The following EXOC6B variants were observed in gnomAD, a reference collection of about 807,000 sequenced individuals.
EXOC6B encodes the protein exocyst complex component 6B, also known as SEC15 homolog B.
A neutral mutation model predicts 113.5 loss-of-function variants in EXOC6B; 54 were observed. The ratio of observed to expected loss-of-function variants is 0.48; its 90% CI spans 0.38 to 0.60. The LOEUF (loss-of-function observed/expected upper bound fraction) is 0.60. Ranked by LOEUF, EXOC6B falls within the 20% of genes least tolerant of loss-of-function variation. EXOC6B has a pLI of 0.00. For missense variants in EXOC6B, 797 were observed against 977.5 expected, an observed-to-expected ratio of 0.82 and a Z score of 2.46; for synonymous variants, 357 against 339.0, an observed-to-expected ratio of 1.05 and a Z score of -0.58.
intron 8 of EXOC6B, among the ~76,000 whole-genome samples, chr2:72,555,832 A>ATGT (rs1703509275): frequency 6.6e-6 from 1 of 152,034 alleles, no homozygotes; most frequent in African/African-American, 2.4e-5. Flanking sequence ...TTTTTAGTAG[A>ATGT]GACAGAGTTT....
chr2:72,518,636 G>A (rs1024592171), intron 8 of EXOC6B, among the ~76,000 whole-genome samples: 1 of 152,024 alleles, frequency 6.6e-6, no homozygotes, highest in African/African-American at 2.4e-5. Flanking sequence ...AGTGTTCCTG[G>A]AGGAGACAAA....
chr2:72,767,723 G>A (rs1225899989), intron 1 of EXOC6B, among the ~76,000 whole-genome samples: 2 of 147,614 alleles, frequency 1.4e-5, no homozygotes, highest in South Asian at 2.2e-4. Flanking sequence ...TGAGGTGGGA[G>A]TATCACCTAA....
At chr2:72,559,177 AACT>A (rs1314420930) in intron 8 of EXOC6B, among the ~76,000 whole-genome samples, 2 of 152,216 alleles carry the variant, frequency 1.3e-5, no homozygotes, top group African/African-American at 4.8e-5. Context: ...TTATTTAAAT[AACT>A]ACATTATTAA....
At chr2:72,704,027 T>C (rs1678643400) in intron 6 of EXOC6B, among the ~76,000 whole-genome samples, 1 of 151,578 alleles carries the variant, frequency 6.6e-6, no homozygotes, top group South Asian at 2.1e-4. Context: ...AATATACATT[T>C]TTTTCAGCAC....
rs556331390 is a variant in EXOC6B at position 72,277,393 on chromosome 2, T to G, written c.2196+57554A>C. Among the ~76,000 whole-genome samples the G allele has an allele frequency of 2.0e-5, 3 of 152,200 alleles. No individual in the cohort carries two copies. In the East Asian group the frequency reaches 5.8e-4, roughly 29 times the overall value. On this transcript the variant is annotated intron_variant, in intron 20 of 21. Coordinates refer to ENST00000272427, the MANE Select transcript of EXOC6B (RefSeq NM_015189.3). ...CAACTTCTACCACCACAGCATAGAA[T>G]CATACCCAAGGGAGCTCAATAGAAC...
At chr2:72,680,658 G>A (rs559844223) in intron 6 of EXOC6B, among the ~76,000 whole-genome samples, 1 of 151,984 alleles carries the variant, frequency 6.6e-6, no homozygotes, top group South Asian at 2.1e-4. Context: ...AGAATCACTT[G>A]GACCCAGGAG....
chr2:72,788,043 C>G (rs1208688390), intron 1 of EXOC6B, among the ~76,000 whole-genome samples: 1 of 152,194 alleles, frequency 6.6e-6, no homozygotes, highest in Non-Finnish European at 1.5e-5. Context: ...ATGCCTACCT[C>G]ATAGTGTTCT....
intron 6 of EXOC6B, among the ~76,000 whole-genome samples, chr2:72,710,333 G>T (rs1398747248): frequency 6.6e-6 from 1 of 151,828 alleles, no homozygotes; most frequent in African/African-American, 2.4e-5. Flanking sequence ...TAAATTTAAT[G>T]GTCATATATG....
At chr2:72,595,310 A>G (rs1670011453) in intron 6 of EXOC6B, among the ~76,000 whole-genome samples, 1 of 147,622 alleles carries the variant, frequency 6.8e-6, no homozygotes, top group Admixed American at 6.8e-5. Flanking sequence ...TATATATATG[A>G]CAATTAATAA....
chr2:72,362,834 TAGAGTA>T (rs1465325266), intron 19 of EXOC6B, among the ~76,000 whole-genome samples: 1 of 152,150 alleles, frequency 6.6e-6, no homozygotes, highest in African/African-American at 2.4e-5. Flanking sequence ...GTATTTTGCA[TAGAGTA>T]GGGCCCACAT....
chr2:72,371,710 TC>T (rs1691031465), intron 19 of EXOC6B, among the ~76,000 whole-genome samples: 1 of 152,128 alleles, frequency 6.6e-6, no homozygotes, highest in South Asian at 2.1e-4. Context: ...GTATGACAGA[TC>T]CATAGCTAGT....
chr2:72,401,554 TATATATATATAC>T (rs1693225373), intron 18 of EXOC6B, among the ~76,000 whole-genome samples: 2 of 39,260 alleles, frequency 5.1e-5, no homozygotes, highest in African/African-American at 3.2e-4. Context: ...TGTGTATATA[TATATATATATAC>T]ATATATATAT....
At chr2:72,669,563 C>G (rs1013251820) in intron 6 of EXOC6B, among the ~76,000 whole-genome samples, 6 of 152,146 alleles carry the variant, frequency 3.9e-5, no homozygotes, top group African/African-American at 1.4e-4. Flanking sequence ...ACAAACCAAA[C>G]AGTATCCTTT....
In EXOC6B at chr2:72,574,850, T is replaced by G. The variant is rs987234868; in HGVS notation, c.846+642A>C. Among the ~76,000 whole-genome samples the G allele has an allele frequency of 8.4e-4, 128 of 152,308 alleles. 1 individual carries two copies. The highest frequency in any genetic ancestry group is 3.1e-3 in the African/African-American group (128 of 41,572). On this transcript the variant is annotated intron_variant, in intron 7 of 21. Coordinates refer to ENST00000272427, the MANE Select transcript of EXOC6B (RefSeq NM_015189.3). ...CTCAAAGGTCATAATAGTTTTATTT[T>G]TAAAAACACATTAAACATACTTCTA...
rs1394253116 is a variant in EXOC6B, at chr2:72,825,181, G to GCAA, written c.113+616_113+617insTTG. Among the ~76,000 whole-genome samples, 1 of 152,164 alleles carries GCAA rather than the reference G, an allele frequency of 6.6e-6. No individual in the cohort carries two copies. The highest frequency in any genetic ancestry group is 2.4e-5 in the African/African-American group (1 of 41,440). On this transcript the variant is annotated intron_variant, in intron 1 of 21. Transcript: ENST00000272427. This position sits in a 1 kb window ranked among gnomAD's most constrained non-coding sequence, Gnocchi z 4.4. ...AAATGATAACTGGGGGGCGGCAGCA[G>GCAA]GGTCAGTTTTCCCCAGCGATGAGGA...
chr2:72,342,955 C>T (rs758894572), intron 19 of EXOC6B, among the ~76,000 whole-genome samples: 11 of 152,102 alleles, frequency 7.2e-5, no homozygotes, highest in Non-Finnish European at 1.2e-4. Context: ...TTCATATTCA[C>T]ATTAGCCATG....
chr2:72,485,198 A>T (rs1699354324), intron 16 of EXOC6B, among the ~76,000 whole-genome samples: 1 of 152,340 alleles, frequency 6.6e-6, no homozygotes, highest in Admixed American at 6.5e-5. Context: ...AAACCCCAGA[A>T]AATATCTTCA....
chr2:72,480,029 C>T (rs1698982886), intron 17 of EXOC6B, among the ~76,000 whole-genome samples: 1 of 151,800 alleles, frequency 6.6e-6, no homozygotes, highest in Non-Finnish European at 1.5e-5. Flanking sequence ...ATGGCGAAAC[C>T]CCGTCTCTAC....
chr2:72,295,957 C>T (rs1485939735), intron 20 of EXOC6B, among the ~76,000 whole-genome samples: 2 of 151,982 alleles, frequency 1.3e-5, no homozygotes, highest in African/African-American at 4.8e-5. Context: ...CCAGTAAGTA[C>T]TACTTCATAA....
Sources: gnomAD v4.1 joint callset for allele counts (sites outside exome capture counted in the v4.1 genomes callset) on GRCh38, gnomAD v4.1.1 for gene constraint, Gnocchi (gnomAD v3.1) non-coding constraint, MANE v1.5 for transcripts, NCBI Gene and HGNC (gene_info 2026-07-23, HGNC 2026-07-21) for gene names.